PBK: variants seen among roughly 807,000 people sequenced by gnomAD.
The protein encoded by PBK is PDZ binding kinase.
Under a neutral mutation model 33.5 loss-of-function variants are expected in PBK, and 22 were observed. The observed-to-expected ratio is 0.66, with a 90% CI of 0.47 to 0.94. The LOEUF (loss-of-function observed/expected upper bound fraction) is 0.94, where lower values mean the gene tolerates loss of function less well. PBK is among the 40% of genes least tolerant of loss of function. The pLI, the probability that PBK is intolerant of heterozygous loss-of-function variation, is 0.00. For synonymous variants in PBK, 129 were observed against 123.8 expected (o/e 1.04, Z -0.28); for missense variants, 376 against 383.4 (o/e 0.98, Z 0.16).
chr8:27,822,737 A>T (rs1272309517), intron 4 of PBK, among the ~76,000 whole-genome samples: 2 of 152,130 alleles, frequency 1.3e-5, no homozygotes, highest in Non-Finnish European at 1.5e-5. Context: ...CACCAGCCCT[A>T]CTTGTATTAA....
At chr8:27,820,820 CAAA>C (rs33962318) in intron 5 of PBK, 126 bp from the exon 6 acceptor site, 7 of 471,780 alleles carry the variant, frequency 1.5e-5, no homozygotes, top group East Asian at 8.1e-5. Flanking sequence ...TCCAGCGTTT[CAAA>C]ATTTTTTTTT....
In PBK at chr8:27,832,399, AG is replaced by A. The variant is rs142571308; in HGVS notation, c.58+656del. ...TTCTATTCAAAAACATACTGGAGCCAGTGCAATTAAAAAAAGTAAAAGAAAC... is the reference window on the plus strand; with the variant it reads ...TTCTATTCAAAAACATACTGGAGCCATGCAATTAAAAAAAGTAAAAGAAAC... On this transcript the variant is annotated intron_variant, in intron 2 of 7. Coordinates refer to ENST00000301905, the MANE Select transcript of PBK (RefSeq NM_018492.4). 9.5e-3 allele frequency among the ~76,000 whole-genome samples: 1,442 copies of A among 152,308 alleles called. 25 individuals carry two copies. Among genetic ancestry groups the A allele is most frequent in the African/African-American group, 0.032 (1,346 of 41,568 alleles).
At chr8:27,828,469 T>C (rs1009751070) in intron 2 of PBK, among the ~76,000 whole-genome samples, 2 of 152,100 alleles carry the variant, frequency 1.3e-5, no homozygotes, top group Non-Finnish European at 2.9e-5. Context: ...TAAAACATTG[T>C]TAAAAGATAA....
chr8:27,834,298 A>C (rs1404002707), intron 1 of PBK, among the ~76,000 whole-genome samples: 2 of 152,098 alleles, frequency 1.3e-5, no homozygotes, highest in Non-Finnish European at 2.9e-5. Context: ...AAGTGCTGGG[A>C]TTACAGGCAT....
intron 1 of PBK, among the ~76,000 whole-genome samples, chr8:27,836,754 CTA>C (rs1476035026): frequency 6.6e-6 from 1 of 152,112 alleles, no homozygotes; most frequent in Non-Finnish European, 1.5e-5. Context: ...AAAAGAAAAC[CTA>C]TCTCTAAAAA....
Position 27,833,064 on chromosome 8 carries a change from T to C in PBK, c.50A>G (p.Lys17Arg). 6.3e-7 allele frequency: 1 copy of C among 1,583,964 alleles called. No individual in the cohort carries two copies. The highest frequency in any genetic ancestry group is 8.6e-7 in the Non-Finnish European group (1 of 1,160,476). ...FKTPSKLSEK[K>R]KSVLCSTPTI... is the part of the protein sequence containing the mutation. ...TACATCTGCTATCTTACCAGATTTC[T>C]TTTTTTCTGATAATTTGCTTGGTGT... The change falls in exon 2 of 8, where the codon AAG (lysine) becomes AGG (arginine). Residue 17 changes from lysine to arginine, a missense_variant. Lys to Arg is a conservative substitution (Grantham distance 26). Transcript: ENST00000301905.
intron 2 of PBK, among the ~76,000 whole-genome samples, chr8:27,832,228 A>G (rs1299831087): frequency 6.6e-6 from 1 of 152,200 alleles, no homozygotes; most frequent in Admixed American, 6.5e-5. Flanking sequence ...TAATAGATTC[A>G]GAAAAAGCTC....
At chr8:27,815,797 T>C (rs984896140) in intron 6 of PBK, among the ~76,000 whole-genome samples, 1 of 152,164 alleles carries the variant, frequency 6.6e-6, no homozygotes, top group African/African-American at 2.4e-5. Context: ...GCATGTGACA[T>C]AGTGAATTTA....
intron 5 of PBK, 62 bp downstream of exon 5, chr8:27,822,257 T>G (rs769516368): frequency 7.4e-6 from 9 of 1,218,902 alleles, no homozygotes; most frequent in Non-Finnish European, 1.1e-5. Context: ...GCAAAGTGAT[T>G]ATTTGTTCAT....
chr8:27,811,225 G>T, intron 6 of PBK, 91 bp from the exon 7 acceptor site: 1 of 1,044,414 alleles, frequency 9.6e-7, no homozygotes. Flanking sequence ...ATTTGAACAA[G>T]TAGTTCACAG....
chr8:27,816,942 C>T (rs191795482), intron 6 of PBK, among the ~76,000 whole-genome samples: 5 of 152,102 alleles, frequency 3.3e-5, no homozygotes, highest in African/African-American at 9.6e-5. Flanking sequence ...ATAGTCTGTT[C>T]TGCTACAATG....
At chr8:27,823,971 A>G (rs964475535) in intron 3 of PBK, among the ~76,000 whole-genome samples, 1 of 152,058 alleles carries the variant, frequency 6.6e-6, no homozygotes, top group Admixed American at 6.5e-5. Context: ...TTTAAGACAG[A>G]AAGTTTAATG....
In PBK at chr8:27,822,538, A is replaced by T. The variant is rs373581110; in HGVS notation, c.296-50T>A. 2.3e-6 allele frequency: 3 copies of T among 1,283,336 alleles called. No homozygotes were observed. The African/African-American group carries it at 4.5e-5, about 19-fold the overall frequency. 79.5% of individuals were successfully genotyped at this position (1,283,336 alleles called of 1,614,324 possible). ...CACTAATATAGAGAAGAACAATAAT[A>T]TTTAAGTCCTTTATAGTAACGTGAT... On this transcript the variant is annotated intron_variant, in intron 4 of 7. Transcript: ENST00000301905.
chr8:27,825,664 A>G (rs1193648115), intron 3 of PBK, among the ~76,000 whole-genome samples: 3 of 152,196 alleles, frequency 2.0e-5, no homozygotes, highest in Non-Finnish European at 4.4e-5. Flanking sequence ...ATGAGTTTTT[A>G]CATGTGCATA....
At chr8:27,817,804 AT>A (rs1185336578) in intron 6 of PBK, among the ~76,000 whole-genome samples, 1 of 152,088 alleles carries the variant, frequency 6.6e-6, no homozygotes, top group Non-Finnish European at 1.5e-5. Flanking sequence ...GACTTGTGTC[AT>A]TTCTGAGCTT....
At chr8:27,816,269 G>A (rs1378273567) in intron 6 of PBK, among the ~76,000 whole-genome samples, 1 of 151,172 alleles carries the variant, frequency 6.6e-6, no homozygotes, top group African/African-American at 2.4e-5. Context: ...CATGGTGCCT[G>A]ACATGTATAT....
At chr8:27,820,500 T>TA in intron 6 of PBK, 65 bp downstream of exon 6, 1 of 913,100 alleles carries the variant, frequency 1.1e-6, no homozygotes, top group Non-Finnish European at 1.7e-6. Flanking sequence ...CATGTGGACT[T>TA]ACGTATTTAA....
chr8:27,810,930 G>A lies in PBK; in HGVS notation c.772+28C>T, dbSNP rs774408307. 28 of 1,328,924 alleles carry A rather than the reference G, an allele frequency of 2.1e-5. No homozygotes were observed. In the South Asian group the frequency reaches 3.2e-4, roughly 15 times the overall value. The allele number at this position is 1,328,924 out of a possible 1,614,324, so 82.3% of individuals were successfully genotyped here. A position where few individuals can be genotyped will look rare whatever the true frequency, so the allele number is the denominator to read the frequency against. ...TCTTTAGTGTGAAATGAAGAGATTGGGATTTATGTTAGAAATTGTATTCAT... is the reference window on the plus strand; with the variant it reads ...TCTTTAGTGTGAAATGAAGAGATTGAGATTTATGTTAGAAATTGTATTCAT... On this transcript the variant is annotated intron_variant, in intron 7 of 7. Coordinates refer to ENST00000301905, the MANE Select transcript of PBK (RefSeq NM_018492.4).
intron 5 of PBK, 104 bp downstream of exon 5, chr8:27,822,211 CAAGT>C (rs1238862560): frequency 1.3e-5 from 11 of 821,308 alleles, no homozygotes; most frequent in Non-Finnish European, 1.9e-5. Context: ...TTGGAACTGA[CAAGT>C]AACAATATCC....
Sources: gnomAD v4.1 joint callset for allele counts (sites outside exome capture counted in the v4.1 genomes callset) on GRCh38, gnomAD v4.1.1 for gene constraint, MANE v1.5 for transcripts, NCBI Gene and HGNC (gene_info 2026-07-23, HGNC 2026-07-21) for gene names.